SCHIP1: variants seen among roughly 807,000 people sequenced by gnomAD.
SCHIP1 encodes schwannomin-interacting protein 1.
Under a neutral mutation model 29.7 loss-of-function variants are expected in SCHIP1, and 8 were observed. The observed-to-expected ratio is 0.27, with a 90% CI of 0.16 to 0.49. The LOEUF is 0.49. SCHIP1 is among the 20% of genes least tolerant of loss of function. The pLI is 0.99. For synonymous variants in SCHIP1, 76 were observed against 94.9 expected (o/e 0.80, Z 1.16); for missense variants, 193 against 294.6 (o/e 0.66, Z 2.52).
the SCHIP1 span, among the ~76,000 whole-genome samples, chr3:159,698,101 AT>A: frequency 6.6e-6 from 1 of 152,256 alleles, no homozygotes; most frequent in African/African-American, 2.4e-5. Context: ...CAGAACTTAT[AT>A]GTGGGGAGGC....
At chr3:159,748,491 G>A in the SCHIP1 span, among the ~76,000 whole-genome samples, 4 of 152,208 alleles carry the variant, frequency 2.6e-5, no homozygotes, top group African/African-American at 9.7e-5. Context: ...TAATGACTTG[G>A]CCTAACTGCC....
the SCHIP1 span, among the ~76,000 whole-genome samples, chr3:159,759,959 A>G: frequency 2.0e-5 from 3 of 151,864 alleles, no homozygotes; most frequent in Non-Finnish European, 4.4e-5. Flanking sequence ...AATAGCACTG[A>G]CCCCTGAGGA....
At chr3:159,422,578 C>T in the SCHIP1 span, among the ~76,000 whole-genome samples, 2 of 152,178 alleles carry the variant, frequency 1.3e-5, no homozygotes, top group African/African-American at 4.8e-5. Flanking sequence ...AGAAAAATGT[C>T]AGCAGTTCAA....
At chr3:159,868,580 A>T (rs1714907175) in intron 2 of SCHIP1, among the ~76,000 whole-genome samples, 1 of 152,128 alleles carries the variant, frequency 6.6e-6, no homozygotes, top group Non-Finnish European at 1.5e-5. Context: ...GTAGTAAACT[A>T]TGGTTACTTG....
the SCHIP1 span, among the ~76,000 whole-genome samples, chr3:159,747,538 C>T: frequency 6.6e-6 from 1 of 152,220 alleles, no homozygotes; most frequent in Admixed American, 6.5e-5. Context: ...TAGGTAGGGC[C>T]AAGGTAATCA....
the SCHIP1 span, among the ~76,000 whole-genome samples, chr3:159,492,415 T>A: frequency 2.0e-5 from 3 of 152,140 alleles, no homozygotes. Context: ...AAGGACCTGA[T>A]GGAACTGAAA....
At chr3:159,411,171 T>A in the SCHIP1 span, among the ~76,000 whole-genome samples, 1 of 152,034 alleles carries the variant, frequency 6.6e-6, no homozygotes, top group African/African-American at 2.4e-5. Flanking sequence ...ATTAATAGGT[T>A]CAAAAATATT....
At chr3:159,872,991 A>G (rs1715432402) in intron 2 of SCHIP1, among the ~76,000 whole-genome samples, 1 of 152,212 alleles carries the variant, frequency 6.6e-6, no homozygotes, top group South Asian at 2.1e-4. Context: ...ACCAGAGCAC[A>G]TAATAGTATT....
At chr3:159,799,792 C>G in the SCHIP1 span, among the ~76,000 whole-genome samples, 1 of 152,142 alleles carries the variant, frequency 6.6e-6, no homozygotes, top group African/African-American at 2.4e-5. Flanking sequence ...AAAGGGCCTT[C>G]TCAGCCTCAT....
chr3:159,801,251 TGTAA>T, the SCHIP1 span, among the ~76,000 whole-genome samples: 1 of 152,238 alleles, frequency 6.6e-6, no homozygotes, highest in African/African-American at 2.4e-5. Flanking sequence ...TAACAGTTAC[TGTAA>T]GTAAGATATG....
the SCHIP1 span, among the ~76,000 whole-genome samples, chr3:159,311,491 G>C: frequency 0.026 from 3,891 of 151,926 alleles, 163 homozygotes; most frequent in African/African-American, 0.09. Flanking sequence ...TTTTGGTGTA[G>C]GATTTCTTTA....
the SCHIP1 span, among the ~76,000 whole-genome samples, chr3:159,820,492 T>A: frequency 1.2e-4 from 18 of 152,196 alleles, no homozygotes; most frequent in Non-Finnish European, 2.1e-4. Flanking sequence ...TATTTTCAAA[T>A]GAGTTTATCA....
the SCHIP1 span, among the ~76,000 whole-genome samples, chr3:159,548,383 G>A: frequency 6.6e-6 from 1 of 151,920 alleles, no homozygotes; most frequent in Admixed American, 6.6e-5. Context: ...ATTGTTATGA[G>A]TGTCTTATAA....
At chr3:159,401,665 T>G in the SCHIP1 span, among the ~76,000 whole-genome samples, 1 of 152,182 alleles carries the variant, frequency 6.6e-6, no homozygotes, top group East Asian at 1.9e-4. Flanking sequence ...CTATACACAT[T>G]GTGAGTTACT....
the SCHIP1 span, among the ~76,000 whole-genome samples, chr3:159,826,417 A>C: frequency 0.15 from 23,424 of 152,230 alleles, 1,913 homozygotes; most frequent in East Asian, 0.21. Context: ...ACATAGCCCA[A>C]GTAGCTTAAA....
the SCHIP1 span, among the ~76,000 whole-genome samples, chr3:159,373,063 A>G: frequency 6.6e-6 from 1 of 151,972 alleles, no homozygotes; most frequent in Non-Finnish European, 1.5e-5. Context: ...TTTTCTGAAA[A>G]AAGGGTATTT....
At chr3:159,777,735 G>A in the SCHIP1 span, among the ~76,000 whole-genome samples, 1 of 152,158 alleles carries the variant, frequency 6.6e-6, no homozygotes, top group African/African-American at 2.4e-5. Context: ...ATTCCAAGGT[G>A]TGGTGGTGAG....
At chr3:159,338,144 C>A in the SCHIP1 span, among the ~76,000 whole-genome samples, 1 of 152,140 alleles carries the variant, frequency 6.6e-6, no homozygotes, top group African/African-American at 2.4e-5. Context: ...AAATGCTTGC[C>A]TTTACAATCC....
At chr3:159,770,020 C>T in the SCHIP1 span, among the ~76,000 whole-genome samples, 2 of 152,146 alleles carry the variant, frequency 1.3e-5, no homozygotes, top group Admixed American at 6.5e-5. Flanking sequence ...TAGTTTATGC[C>T]TTCTAAAATT....
Sources: allele counts gnomAD v4.1 joint callset (sites outside exome capture counted in the v4.1 genomes callset), GRCh38; gene constraint gnomAD v4.1.1; transcripts MANE v1.5; gene names NCBI Gene and HGNC (gene_info 2026-07-23, HGNC 2026-07-21).